Variants in RAB11FIP5 observed in about 807,000 individuals in gnomAD.
RAB11FIP5 encodes rab11 family-interacting protein 5.
A neutral mutation model predicts 85.1 loss-of-function variants in RAB11FIP5; 48 were observed. The ratio of observed to expected loss-of-function variants is 0.56; its 90% CI spans 0.45 to 0.72. The LOEUF is 0.72. RAB11FIP5 is among the 30% of genes least tolerant of loss of function. RAB11FIP5 has a pLI of 0.00. For missense variants in RAB11FIP5, 1,491 were observed against 1,687.0 expected (o/e 0.88, Z 2.04); for synonymous variants, 729 against 727.3 (o/e 1.00, Z -0.04).
Position 73,106,960 on chromosome 2 carries a change from G to A in RAB11FIP5, c.431+5387C>T, listed in dbSNP as rs929440478. On this transcript the variant is annotated intron_variant, in intron 1 of 5. Coordinates refer to ENST00000486777, the MANE Select transcript of RAB11FIP5 (RefSeq NM_001371272.1). The stretch of plus-strand genomic sequence containing the variant: ...TGCCCCTGGGAGCCCCGTTTTGGGA[G>A]GCCCCACTTACTGCTCCTGAGAGGC... 2.3e-4 allele frequency among the ~76,000 whole-genome samples: 35 copies of A among 152,144 alleles called. 1 individual carries two copies. Among genetic ancestry groups the A allele is most frequent in the Non-Finnish European group, 4.3e-4 (29 of 68,020 alleles).
Position 73,089,016 on chromosome 2 carries a change from G to C in RAB11FIP5, c.731C>G (p.Ser244Cys), listed in dbSNP as rs146810561. The C allele has an allele frequency of 9.9e-5, 160 of 1,614,108 alleles. No individual in the cohort carries two copies. Among genetic ancestry groups the C allele is most frequent in the Non-Finnish European group, 1.2e-4 (147 of 1,180,044 alleles). Residue 244 changes from serine (S) to cysteine (C), a missense_variant, in exon 2 of 6, where the codon TCC (serine) becomes TGC (cysteine). By Grantham distance (112) the Ser-to-Cys change is moderately radical. Around this residue, in one of 3 missense-constraint regions of RAB11FIP5, gnomAD observed 1,211 missense variants for 1,338.0 expected, o/e 0.91. Transcript: ENST00000486777. The surrounding 1 kb of genome is among the most constrained non-coding windows in gnomAD (Gnocchi z 4.6). ...FFLRNKLRKS[S>C]LTQSNTSLGS... is the part of the protein sequence containing the mutation. ...CAGCGAGGTGTTGGACTGGGTCAGG[G>C]ACGACTTGCGCAGCTTGTTGCGGAG...
Position 73,079,831 on chromosome 2 carries a change from A to G in RAB11FIP5, c.3401T>C (p.Leu1134Pro). ...PCSPLSEAWP[L>P]TTSSAPPGEP... ...CCCTGGTGGTGCAGAGGAGGTAGTC[A>G]GGGGCCAGGCTTCAGACAGGGGAGA... Residue 1134 changes from leucine to proline, a missense_variant, in exon 4 of 6, where the codon CTG becomes CCG. By Grantham distance (98) the Leu-to-Pro change is moderately conservative. Transcript: ENST00000486777. The G allele has an allele frequency of 8.1e-7, 1 of 1,232,270 alleles. No homozygotes were observed. The highest frequency in any genetic ancestry group is 1.0e-6 in the Non-Finnish European group (1 of 988,124). The allele number at this position is 1,232,270 out of a possible 1,614,324, so 76.3% of individuals were successfully genotyped here.
At chr2:73,108,433 C>A (rs1273507097) in intron 1 of RAB11FIP5, among the ~76,000 whole-genome samples, 1 of 152,142 alleles carries the variant, frequency 6.6e-6, no homozygotes, top group African/African-American at 2.4e-5. Flanking sequence ...CAGTTGTGCT[C>A]TCTCCTCCTC....
chr2:73,085,603 G>A (rs1574295980), intron 3 of RAB11FIP5, among the ~76,000 whole-genome samples: 3 of 152,224 alleles, frequency 2.0e-5, no homozygotes, highest in Admixed American at 2.0e-4. Flanking sequence ...CCTACTCCCT[G>A]CTCCAGCACA....
At chr2:73,082,341 T>A (rs1292310269) in intron 3 of RAB11FIP5, among the ~76,000 whole-genome samples, 1 of 152,114 alleles carries the variant, frequency 6.6e-6, no homozygotes, top group Non-Finnish European at 1.5e-5. Context: ...AAACACCAGC[T>A]GGCATGGGGG....
chr2:73,088,440 C>A lies in RAB11FIP5; in HGVS notation c.1178G>T (p.Ser393Ile). 2 of 1,613,890 alleles carry A rather than the reference C, an allele frequency of 1.2e-6. No homozygotes were observed. The highest frequency in any genetic ancestry group is 1.7e-6 in the Non-Finnish European group (2 of 1,180,022). Residue 393 changes from serine to isoleucine, a missense_variant, in exon 3 of 6, where the codon AGC becomes ATC. Coordinates refer to ENST00000486777, the MANE Select transcript of RAB11FIP5 (RefSeq NM_001371272.1). ...AAGCACTGCCTCTGAGCTGCTGTTG[C>A]TACGACTGCCTCTGGGCCAGGTGTC... ...TDDTWPRGSR[S>I]NSSSEAVLGQ...
chr2:73,104,836 C>T (rs1001823161), intron 1 of RAB11FIP5, among the ~76,000 whole-genome samples: 44 of 152,218 alleles, frequency 2.9e-4, no homozygotes, highest in Non-Finnish European at 5.9e-4. Flanking sequence ...CATTCTCTCA[C>T]GCTTTTTATA....
At chr2:73,108,617 C>T (rs1271941966) in intron 1 of RAB11FIP5, among the ~76,000 whole-genome samples, 2 of 152,150 alleles carry the variant, frequency 1.3e-5, no homozygotes, top group Admixed American at 6.5e-5. Context: ...CCACACCAAT[C>T]GCATAAAGAC....
At chr2:73,092,259 A>G (rs1274792884) in intron 1 of RAB11FIP5, among the ~76,000 whole-genome samples, 1 of 152,202 alleles carries the variant, frequency 6.6e-6, no homozygotes, top group East Asian at 1.9e-4. Context: ...GCCCTGAGTA[A>G]CTAGGATCAG....
chr2:73,106,481 G>A (rs993205175), intron 1 of RAB11FIP5, among the ~76,000 whole-genome samples: 1 of 152,246 alleles, frequency 6.6e-6, no homozygotes, highest in East Asian at 1.9e-4. Context: ...AGATATCCAG[G>A]CTTCCCCCCC....
chr2:73,079,026 C>T (rs764649411), intron 4 of RAB11FIP5, among the ~76,000 whole-genome samples: 66 of 152,368 alleles, frequency 4.3e-4, no homozygotes, highest in Admixed American at 3.7e-3. Context: ...AATGAAGCAA[C>T]TGCTGCGCGT....
In RAB11FIP5 at chr2:73,078,445, C is replaced by A. The variant is rs1211502782; in HGVS notation, c.3581+1206G>T. Among the ~76,000 whole-genome samples, 1 of 152,204 alleles carries A rather than the reference C, an allele frequency of 6.6e-6. No homozygotes were observed. The highest frequency in any genetic ancestry group is 1.9e-4 in the East Asian group (1 of 5,192). Reference sequence around the variant, plus strand: ...GGCCAGCCGAGGACACTGCAACCACCAGCTCCCCCACATCCTCTCCCTCAC... The same window carrying A: ...GGCCAGCCGAGGACACTGCAACCACAAGCTCCCCCACATCCTCTCCCTCAC... On this transcript the variant is annotated intron_variant, in intron 4 of 5. Coordinates refer to ENST00000486777, the MANE Select transcript of RAB11FIP5 (RefSeq NM_001371272.1). The surrounding 1 kb of genome is among the most constrained non-coding windows in gnomAD (Gnocchi z 4.4).
chr2:73,095,409 T>C (rs963975668), intron 1 of RAB11FIP5, among the ~76,000 whole-genome samples: 1 of 152,200 alleles, frequency 6.6e-6, no homozygotes, highest in Non-Finnish European at 1.5e-5. Flanking sequence ...TTAAAATGTG[T>C]ATTCTGATAC....
At position 73,088,876 on chromosome 2, in the gene RAB11FIP5, C is replaced by A; in HGVS notation, c.868+3G>T. The A allele has an allele frequency of 6.4e-7, 1 of 1,564,506 alleles. No homozygotes were observed. The highest frequency in any genetic ancestry group is 2.2e-5 in the East Asian group (1 of 44,466). ...CCAGGGCGGCGGCCCTGTGCTTGCT[C>A]ACCCCCTTCAGTGGACAGCCAGCTG... On this transcript the variant is annotated splice_donor_region_variant and intron_variant, in intron 2 of 5. Transcript: ENST00000486777.
intron 1 of RAB11FIP5, among the ~76,000 whole-genome samples, chr2:73,094,120 CA>C (rs550613252): frequency 0.024 from 1,998 of 84,650 alleles, 14 homozygotes; most frequent in Non-Finnish European, 0.027. Context: ...GACTTTGTCT[CA>C]AAAAAAAAAA....
chr2:73,073,396 G>A lies in RAB11FIP5; in HGVS notation c.*2125C>T, dbSNP rs1683774484. On this transcript the variant is annotated 3_prime_UTR_variant, in exon 6 of 6. Transcript: ENST00000486777. ...ACAGAGCCACCTGCAGTACATGAAT[G>A]TTTTATTCTTCATAAAGTGCTTAAA... 1.3e-5 allele frequency: 2 copies of A among 152,620 alleles called. No individual in the cohort carries two copies. Among genetic ancestry groups the A allele is most frequent in the African/African-American group, 4.8e-5 (2 of 41,434 alleles). The allele number at this position is 152,620 out of a possible 1,614,324, so 9.5% of individuals were successfully genotyped here.
chr2:73,107,866 G>A (rs56992198), intron 1 of RAB11FIP5, among the ~76,000 whole-genome samples: 22,096 of 152,152 alleles, frequency 0.15, 1,926 homozygotes, highest in East Asian at 0.41. Context: ...GCTGTTTCCC[G>A]AGGGGCAGAG....
rs1323341633 is a variant in RAB11FIP5 at position 73,086,858 on chromosome 2, G to C, written c.1568+1192C>G. On this transcript the variant is annotated intron_variant, in intron 3 of 5. Transcript: ENST00000486777. This position sits in a 1 kb window ranked among gnomAD's most constrained non-coding sequence, Gnocchi z 4.4. ...CAAGGGGTGGCATGCCCCTGAAACTGATCCACCCCCCCATACCCCTATCTA... is the reference window on the plus strand; with the variant it reads ...CAAGGGGTGGCATGCCCCTGAAACTCATCCACCCCCCCATACCCCTATCTA... Among the ~76,000 whole-genome samples, 1 of 152,000 alleles carries C rather than the reference G, an allele frequency of 6.6e-6. No individual in the cohort carries two copies. The highest frequency in any genetic ancestry group is 6.5e-5 in the Admixed American group (1 of 15,282).
rs1157048048 is a variant in RAB11FIP5, at chr2:73,090,582, C to T, written c.432-1267G>A. Reference sequence around the variant, plus strand: ...CTACTTAATGATAAAAATAAATAGGCTATCAAGCCATGAACAGACACGGAT... The same window carrying T: ...CTACTTAATGATAAAAATAAATAGGTTATCAAGCCATGAACAGACACGGAT... On this transcript the variant is annotated intron_variant, in intron 1 of 5. Coordinates refer to ENST00000486777, the MANE Select transcript of RAB11FIP5 (RefSeq NM_001371272.1). Among the ~76,000 whole-genome samples, 4 of 152,266 alleles carry T rather than the reference C, an allele frequency of 2.6e-5. No individual in the cohort carries two copies. In the East Asian group the frequency reaches 7.7e-4, roughly 29 times the overall value.
Sources: gnomAD v4.1 joint callset for allele counts (sites outside exome capture counted in the v4.1 genomes callset) on GRCh38, gnomAD v4.1.1 for gene constraint, gnomAD v4.1.1 regional missense constraint, Gnocchi (gnomAD v3.1) non-coding constraint, MANE v1.5 for transcripts, NCBI Gene and HGNC (gene_info 2026-07-23, HGNC 2026-07-21) for gene names.